Variants in RGS7 observed in about 807,000 individuals in gnomAD.
The protein encoded by RGS7 is regulator of G protein signaling 7.
A neutral mutation model predicts 81.1 loss-of-function variants in RGS7; 27 were observed. The ratio of observed to expected loss-of-function variants is 0.33; its 90% CI spans 0.25 to 0.46. RGS7 has a LOEUF of 0.46. RGS7 is among the 20% of genes least tolerant of loss of function. RGS7 has a pLI of 1.00. For synonymous variants in RGS7, 208 were observed against 207.7 expected, an observed-to-expected ratio of 1.00 and a Z score of -0.01; for missense variants, 396 against 607.4, an observed-to-expected ratio of 0.65 and a Z score of 3.66.
intron 10 of RGS7, 123 bp downstream of exon 10, chr1:240,826,975 T>C: frequency 1.2e-6 from 1 of 811,784 alleles, no homozygotes; most frequent in Non-Finnish European, 2.2e-6. Flanking sequence ...AAGGGAGGGC[T>C]GTGGAAGGCT....
intron 9 of RGS7, among the ~76,000 whole-genome samples, chr1:240,861,509 T>C (rs1453729598): frequency 6.6e-6 from 1 of 152,192 alleles, no homozygotes; most frequent in Non-Finnish European, 1.5e-5. Context: ...AATTTATCAT[T>C]TGCATCATTA....
chr1:240,980,762 T>C lies in RGS7; in HGVS notation c.226+2317A>G, dbSNP rs1684793632. 2.6e-5 allele frequency among the ~76,000 whole-genome samples: 4 copies of C among 152,198 alleles called. No homozygotes were observed. In the South Asian group the frequency reaches 8.3e-4, roughly 31 times the overall value. On this transcript the variant is annotated intron_variant, in intron 4 of 18. Transcript: ENST00000440928. ...GTTTCTTAACTCTTCTTGAAACCAG[T>C]ACAGAGCCTTGGATTTTGTCTAGGG...
chr1:241,246,368 G>A (rs1002073498), intron 2 of RGS7, among the ~76,000 whole-genome samples: 6 of 152,144 alleles, frequency 3.9e-5, no homozygotes, highest in Admixed American at 3.3e-4. Context: ...GTAGTGAACC[G>A]TGATAGAGCA....
At chr1:241,134,960 G>C (rs1441391106) in intron 2 of RGS7, among the ~76,000 whole-genome samples, 1 of 151,942 alleles carries the variant, frequency 6.6e-6, no homozygotes, top group Non-Finnish European at 1.5e-5. Context: ...TACCCTGGCC[G>C]GAAGACACCT....
At chr1:241,128,671 A>G (rs1215330038) in intron 2 of RGS7, among the ~76,000 whole-genome samples, 3 of 151,812 alleles carry the variant, frequency 2.0e-5, no homozygotes, top group Non-Finnish European at 4.4e-5. Flanking sequence ...ATATGTAAAT[A>G]TATACAAATA....
intron 2 of RGS7, among the ~76,000 whole-genome samples, chr1:241,147,600 A>G (rs1330187293): frequency 5.3e-5 from 8 of 151,736 alleles, no homozygotes; most frequent in African/African-American, 1.9e-4. Context: ...AATAATAGGA[A>G]CACATGATTC....
chr1:240,816,205 C>A, intron 11 of RGS7, 112 bp downstream of exon 11: 2 of 755,656 alleles, frequency 2.6e-6, no homozygotes, highest in Non-Finnish European at 4.9e-6. Context: ...CCACATGAAA[C>A]AGTCAGTCAT....
At chr1:240,799,279 GTCTA>G (rs1373803910) in intron 18 of RGS7, among the ~76,000 whole-genome samples, 3,865 of 143,638 alleles carry the variant, frequency 0.027, 61 homozygotes, top group East Asian at 0.099. Flanking sequence ...GTGTGTGTGT[GTCTA>G]TGTTTGTGTG....
intron 2 of RGS7, among the ~76,000 whole-genome samples, chr1:241,187,950 A>G (rs1212546565): frequency 6.6e-6 from 1 of 151,936 alleles, no homozygotes; most frequent in African/African-American, 2.4e-5. Context: ...AGGGAAGGAG[A>G]AGGGAGAGAT....
At chr1:241,315,104 C>CTTTTT (rs2080788834) in intron 2 of RGS7, among the ~76,000 whole-genome samples, 8 of 34,154 alleles carry the variant, frequency 2.3e-4, no homozygotes, top group African/African-American at 5.9e-4. Flanking sequence ...TTTTCTTCTT[C>CTTTTT]TTCTTTTTTT....
intron 3 of RGS7, among the ~76,000 whole-genome samples, chr1:241,040,813 C>A (rs10926400): frequency 0.09 from 13,692 of 152,092 alleles, 1,006 homozygotes; most frequent in African/African-American, 0.2. Flanking sequence ...AACAAACAAA[C>A]AAACAAACGA....
chr1:240,916,262 G>A (rs1245448660), intron 6 of RGS7, among the ~76,000 whole-genome samples: 4 of 122,930 alleles, frequency 3.3e-5, no homozygotes, highest in African/African-American at 9.5e-5. Flanking sequence ...GGGTGACAGA[G>A]TGAGACACTG....
chr1:241,138,097 G>A (rs986575293), intron 2 of RGS7, among the ~76,000 whole-genome samples: 7 of 151,480 alleles, frequency 4.6e-5, no homozygotes, highest in East Asian at 1.9e-4. Context: ...ACTTGAACCC[G>A]GGAGGTGGAG....
intron 2 of RGS7, among the ~76,000 whole-genome samples, chr1:241,251,761 C>CAA (rs1457810801): frequency 2.0e-5 from 3 of 151,924 alleles, no homozygotes; most frequent in African/African-American, 7.2e-5. Flanking sequence ...CTGCCCACCT[C>CAA]AGCCTCCCAA....
chr1:241,262,369 A>T (rs543783341), intron 2 of RGS7, among the ~76,000 whole-genome samples: 1 of 152,362 alleles, frequency 6.6e-6, no homozygotes, highest in South Asian at 2.1e-4. Context: ...CTGTCAATCA[A>T]GTAAAGGAAT....
chr1:241,021,449 T>C (rs138936934), intron 3 of RGS7, among the ~76,000 whole-genome samples: 30 of 152,344 alleles, frequency 2.0e-4, no homozygotes, highest in African/African-American at 7.0e-4. Context: ...CTTCTGAGCA[T>C]TTACATGACA....
At chr1:240,798,196 G>T (rs1687391487) in intron 18 of RGS7, among the ~76,000 whole-genome samples, 1 of 152,116 alleles carries the variant, frequency 6.6e-6, no homozygotes. Flanking sequence ...ACACAAAAAG[G>T]AGTCTATATT....
intron 3 of RGS7, among the ~76,000 whole-genome samples, chr1:241,045,148 T>A (rs181867409): frequency 3.3e-4 from 51 of 152,302 alleles, no homozygotes; most frequent in Non-Finnish European, 6.5e-4. Flanking sequence ...CAGTAGATGA[T>A]ATACCTTAAA....
intron 2 of RGS7, among the ~76,000 whole-genome samples, chr1:241,165,916 C>T (rs190482822): frequency 9.9e-5 from 15 of 152,226 alleles, no homozygotes; most frequent in Admixed American, 7.8e-4. Context: ...GCATCTGCAT[C>T]GGCCACTGAG....
Sources: allele counts gnomAD v4.1 joint callset (sites outside exome capture counted in the v4.1 genomes callset), GRCh38; gene constraint gnomAD v4.1.1; transcripts MANE v1.5; gene names NCBI Gene and HGNC (gene_info 2026-07-23, HGNC 2026-07-21).